The following CLDN14 variants were observed in gnomAD, a reference collection of about 807,000 sequenced individuals.
CLDN14 encodes claudin-14.
Under a neutral mutation model 2.1 loss-of-function variants are expected in CLDN14, and 2 were observed. That is an observed-to-expected ratio of 0.96 (90% CI 0.39 to 3.01). The LOEUF (loss-of-function observed/expected upper bound fraction) is 3.01. Ranked by LOEUF, CLDN14 falls within the 30% of genes most tolerant of loss-of-function variation. The pLI, the probability that CLDN14 is intolerant of heterozygous loss-of-function variation, is 0.09. For missense variants in CLDN14, 298 were observed against 328.0 expected (o/e 0.91, Z 0.71); for synonymous variants, 136 against 154.4 (o/e 0.88, Z 0.88).
chr21:36,497,701 C>G (rs1362508932), intron 2 of CLDN14, among the ~76,000 whole-genome samples: 1 of 152,144 alleles, frequency 6.6e-6, no homozygotes, highest in Non-Finnish European at 1.5e-5. Context: ...AGACACCTTT[C>G]CCGTCCACAG....
upstream of CLDN14, among the ~76,000 whole-genome samples, chr21:36,483,458 C>T (rs1163156889): frequency 6.6e-6 from 1 of 152,238 alleles, no homozygotes; most frequent in Admixed American, 6.5e-5. Context: ...GACCCTTTGT[C>T]TGGGGTCACA....
At chr21:36,488,853 G>A (rs1006321986) in intron 2 of CLDN14, among the ~76,000 whole-genome samples, 3 of 151,928 alleles carry the variant, frequency 2.0e-5, no homozygotes, top group South Asian at 2.1e-4. Flanking sequence ...AAGAGGCCGC[G>A]CACAGTGGCT....
At chr21:36,527,624 G>A (rs1022493080) in intron 1 of CLDN14, among the ~76,000 whole-genome samples, 7 of 152,160 alleles carry the variant, frequency 4.6e-5, no homozygotes, top group Non-Finnish European at 1.0e-4. Flanking sequence ...GGGGTAATAT[G>A]TGGCCATATC....
chr21:36,508,566 G>A (rs760798546), intron 2 of CLDN14, among the ~76,000 whole-genome samples: 34 of 152,310 alleles, frequency 2.2e-4, no homozygotes, highest in Non-Finnish European at 3.7e-4. Flanking sequence ...GGGGGCCCCG[G>A]AGAGCCAGGA....
intron 1 of CLDN14, among the ~76,000 whole-genome samples, chr21:36,547,157 C>T (rs2146514678): frequency 6.6e-6 from 1 of 152,222 alleles, no homozygotes; most frequent in East Asian, 1.9e-4. Context: ...TTCAAGTTGA[C>T]AAATGTTCTA....
chr21:36,504,966 T>C (rs544167483), intron 2 of CLDN14, among the ~76,000 whole-genome samples: 4 of 152,280 alleles, frequency 2.6e-5, no homozygotes, highest in South Asian at 4.2e-4. Flanking sequence ...ACCCTGGGCA[T>C]TGACCCAGGC....
chr21:36,472,307 A>G (rs890014388), intron 1 of CLDN14, among the ~76,000 whole-genome samples: 8 of 152,126 alleles, frequency 5.3e-5, no homozygotes, highest in African/African-American at 1.9e-4. Context: ...GGATGTGCTG[A>G]TGGTTTAGCT....
intron 1 of CLDN14, among the ~76,000 whole-genome samples, chr21:36,533,006 C>T (rs1231744560): frequency 1.8e-4 from 27 of 152,134 alleles, no homozygotes; most frequent in Admixed American, 1.7e-3. Flanking sequence ...TTACTAGCAC[C>T]AAGAGACTCC....
At chr21:36,486,368 C>A in intron 2 of CLDN14, 1 of 917,280 alleles carries the variant, frequency 1.1e-6, no homozygotes, top group South Asian at 1.4e-5. Flanking sequence ...CAATCCTGGC[C>A]TCAGCAGCAG....
chr21:36,499,215 T>C lies in CLDN14; in HGVS notation c.-82+11148A>G, dbSNP rs190868934. ...CTGCGGGAAACTGACCTTCAGCACT[T>C]TGATGTGAATGGGGCCATTGCTTTC... is the stretch of plus-strand genomic sequence containing the variant. On this transcript the variant is annotated intron_variant, in intron 2 of 2. Coordinates refer to the CLDN14 transcript ENST00000342108. The surrounding 1 kb of genome is among the most constrained non-coding windows in gnomAD (Gnocchi z 4.7). Among the ~76,000 whole-genome samples the C allele has an allele frequency of 1.3e-5, 2 of 152,288 alleles. No individual in the cohort carries two copies. Among genetic ancestry groups the C allele is most frequent in the East Asian group, 1.9e-4 (1 of 5,180 alleles).
chr21:36,495,110 C>T (rs2087003963), intron 2 of CLDN14, among the ~76,000 whole-genome samples: 1 of 152,138 alleles, frequency 6.6e-6, no homozygotes, highest in Non-Finnish European at 1.5e-5. Context: ...GGTGGATCAC[C>T]TGAAGTCAGG....
At chr21:36,507,659 C>G (rs7280987) in intron 2 of CLDN14, among the ~76,000 whole-genome samples, 7,116 of 152,048 alleles carry the variant, frequency 0.047, 552 homozygotes, top group African/African-American at 0.16. Context: ...AGCTACTTGG[C>G]AGGCTGAGGC....
intron 1 of CLDN14, among the ~76,000 whole-genome samples, chr21:36,525,425 C>T (rs966898254): frequency 2.0e-5 from 3 of 149,760 alleles, no homozygotes; most frequent in Non-Finnish European, 3.0e-5. Context: ...AAGCTGGCAG[C>T]GAGGAGAAAG....
intron 1 of CLDN14, among the ~76,000 whole-genome samples, chr21:36,513,901 C>T (rs748400262): frequency 7.2e-5 from 11 of 152,166 alleles, no homozygotes; most frequent in Admixed American, 2.0e-4. Flanking sequence ...GCACGACCTC[C>T]GCTCGCTGCA....
In CLDN14 at chr21:36,499,894, C is replaced by T. The variant is rs922754964; in HGVS notation, c.-82+10469G>A. Among the ~76,000 whole-genome samples the T allele has an allele frequency of 2.0e-4, 31 of 152,062 alleles. No homozygotes were observed. Among genetic ancestry groups the T allele is most frequent in the African/African-American group, 6.8e-4 (28 of 41,420 alleles). Reference sequence around the variant, plus strand: ...ACATCAGGGGGCTGGTGGAGAAAATCGGGGGGTCTCCGGAGCAACCCCGGG... The same window carrying T: ...ACATCAGGGGGCTGGTGGAGAAAATTGGGGGGTCTCCGGAGCAACCCCGGG... On this transcript the variant is annotated intron_variant, in intron 2 of 2. Transcript: ENST00000342108. The surrounding 1 kb of genome is among the most constrained non-coding windows in gnomAD (Gnocchi z 4.7).
At chr21:36,470,048 A>G (rs1461348002) in intron 1 of CLDN14, among the ~76,000 whole-genome samples, 2 of 152,202 alleles carry the variant, frequency 1.3e-5, no homozygotes, top group African/African-American at 2.4e-5. Context: ...AACAAAAACA[A>G]CAACAAAAAA....
chr21:36,485,240 G>C (rs1204534349), intron 2 of CLDN14, among the ~76,000 whole-genome samples: 1 of 150,638 alleles, frequency 6.6e-6, no homozygotes, highest in African/African-American at 2.4e-5. Flanking sequence ...TGGCGTCTTA[G>C]TCTGTCACCT....
rs2086827514 is a variant in CLDN14, at chr21:36,479,951, A to G, written c.-538T>C. 6.6e-6 allele frequency: 1 copy of G among 152,292 alleles called. No individual in the cohort carries two copies. The highest frequency in any genetic ancestry group is 2.4e-5 in the African/African-American group (1 of 41,452). The allele number at this position is 152,292 out of a possible 1,614,324, so 9.4% of individuals were successfully genotyped here. On this transcript the variant is annotated 5_prime_UTR_variant, in exon 1 of 2. An upstream start codon of the reference 5' UTR is lost. Coordinates refer to ENST00000399135, the MANE Select transcript of CLDN14 (RefSeq NM_001146079.2). The stretch of plus-strand genomic sequence containing the variant: ...TGCCCAGGCTCTCGGCTCCGGGTCC[A>G]TTGGCTGTTCACACTCACTTCCCTG...
chr21:36,472,812 T>C (rs2086726499), intron 1 of CLDN14, among the ~76,000 whole-genome samples: 1 of 152,184 alleles, frequency 6.6e-6, no homozygotes, highest in African/African-American at 2.4e-5. Flanking sequence ...TTCCCTTCTT[T>C]TTAGAGCACG....
Sources: allele counts gnomAD v4.1 joint callset (sites outside exome capture counted in the v4.1 genomes callset), GRCh38; gene constraint gnomAD v4.1.1; non-coding constraint Gnocchi (gnomAD v3.1); transcripts MANE v1.5; gene names NCBI Gene and HGNC (gene_info 2026-07-23, HGNC 2026-07-21).